Variants in PLCB1 observed in about 807,000 individuals in gnomAD.
PLCB1 encodes the protein 1-phosphatidylinositol 4,5-bisphosphate phosphodiesterase beta-1.
A neutral mutation model predicts 161.8 loss-of-function variants in PLCB1; 46 were observed. That is an observed-to-expected ratio of 0.28 (90% CI 0.22 to 0.36). PLCB1 has a LOEUF of 0.36. PLCB1 is among the 10% of genes least tolerant of loss of function. The pLI, the probability that PLCB1 is intolerant of heterozygous loss-of-function variation, is 1.00. For missense variants in PLCB1, 1,016 were observed against 1,472.5 expected (o/e 0.69, Z 5.07); for synonymous variants, 517 against 503.7 (o/e 1.03, Z -0.35).
At chr20:8,399,925 T>G (rs1978474878) in intron 3 of PLCB1, among the ~76,000 whole-genome samples, 1 of 152,222 alleles carries the variant, frequency 6.6e-6, no homozygotes, top group African/African-American at 2.4e-5. Flanking sequence ...ATAAGTTGTT[T>G]GTTCTATAAT....
chr20:8,395,837 T>C (rs1357747798), intron 3 of PLCB1, among the ~76,000 whole-genome samples: 1 of 152,042 alleles, frequency 6.6e-6, no homozygotes, highest in Non-Finnish European at 1.5e-5. Flanking sequence ...AAACAAATTG[T>C]TATTCTAGAC....
chr20:8,579,221 A>G (rs958855349), intron 3 of PLCB1, among the ~76,000 whole-genome samples: 1 of 152,248 alleles, frequency 6.6e-6, no homozygotes. Context: ...AGAAATAAAA[A>G]GCAGTTGTGC....
In PLCB1 at chr20:8,774,602, T is replaced by C; in HGVS notation, c.2994T>C (p.Asp998=). The C allele has an allele frequency of 6.2e-7, 1 of 1,614,024 alleles. No individual in the cohort carries two copies. Among genetic ancestry groups the C allele is most frequent in the South Asian group, 1.1e-5 (1 of 91,046 alleles). ...TTGAGCAAGACCTCGCTGCTCTGGA[T>C]GCTGAAATGACCCAAAAGTTAATAG... is the stretch of plus-strand genomic sequence containing the variant. ...STIEQDLAAL[D]AEMTQKLIDL... is the part of the protein sequence containing the mutation. Residue 998 remains aspartate, a synonymous_variant, in exon 27 of 32, where the codon GAT becomes GAC. Transcript: ENST00000338037.
intron 3 of PLCB1, among the ~76,000 whole-genome samples, chr20:8,406,917 TGTG>T (rs758584870): frequency 6.6e-6 from 1 of 152,150 alleles, no homozygotes; most frequent in Non-Finnish European, 1.5e-5. Flanking sequence ...ATATTTGAGA[TGTG>T]GTGTTTCAGA....
At chr20:8,858,244 T>C (rs1987133487) in intron 31 of PLCB1, among the ~76,000 whole-genome samples, 1 of 152,208 alleles carries the variant, frequency 6.6e-6, no homozygotes, top group Admixed American at 6.5e-5. Flanking sequence ...GGCCTGCTCT[T>C]GTTACAAGCA....
At chr20:8,228,964 T>G (rs925988227) in intron 2 of PLCB1, among the ~76,000 whole-genome samples, 1 of 152,082 alleles carries the variant, frequency 6.6e-6, no homozygotes, top group Non-Finnish European at 1.5e-5. Context: ...CATCCTACAT[T>G]GCTGTCGAAC....
intron 2 of PLCB1, among the ~76,000 whole-genome samples, chr20:8,192,957 C>G (rs951816822): frequency 6.6e-6 from 1 of 151,866 alleles, no homozygotes; most frequent in Non-Finnish European, 1.5e-5. Flanking sequence ...GAGTGGATAC[C>G]TTTCAAATAT....
rs549587899 is a variant in PLCB1 at position 8,883,839 on chromosome 20, A to C, written c.*1990A>C. 6.6e-6 allele frequency: 1 copy of C among 152,578 alleles called. No homozygotes were observed. Among genetic ancestry groups the C allele is most frequent in the Non-Finnish European group, 1.5e-5 (1 of 67,990 alleles). The allele number at this position is 152,578 out of a possible 1,614,324, so 9.5% of individuals were successfully genotyped here. A position where few individuals can be genotyped will look rare whatever the true frequency, so the allele number is the denominator to read the frequency against. On this transcript the variant is annotated 3_prime_UTR_variant, in exon 32 of 32. Transcript: ENST00000338037. Reference sequence around the variant, plus strand: ...ATGAAAAAGAAATCTTTTGTAAATCATTCTACTTTTGCACTTTGAAAGAAA... The same window carrying C: ...ATGAAAAAGAAATCTTTTGTAAATCCTTCTACTTTTGCACTTTGAAAGAAA...
intron 2 of PLCB1, among the ~76,000 whole-genome samples, chr20:8,288,113 ATT>A (rs1174231370): frequency 3.3e-5 from 5 of 152,160 alleles, no homozygotes; most frequent in Non-Finnish European, 5.9e-5. Context: ...CAATCGGTAC[ATT>A]GGAAATTCTT....
chr20:8,549,409 T>A (rs1985692785), intron 3 of PLCB1, among the ~76,000 whole-genome samples: 1 of 152,132 alleles, frequency 6.6e-6, no homozygotes, highest in Non-Finnish European at 1.5e-5. Flanking sequence ...TGCTTTTGAT[T>A]ACAAAAACAA....
At chr20:8,871,256 A>G (rs1987599168) in intron 31 of PLCB1, among the ~76,000 whole-genome samples, 1 of 152,214 alleles carries the variant, frequency 6.6e-6, no homozygotes, top group African/African-American at 2.4e-5. Context: ...TATCACATCT[A>G]CATACTTACA....
At chr20:8,216,810 A>G (rs73897322) in intron 2 of PLCB1, among the ~76,000 whole-genome samples, 4 of 152,148 alleles carry the variant, frequency 2.6e-5, no homozygotes, top group Non-Finnish European at 4.4e-5. Context: ...TGCGGTGCCT[A>G]TATAGAAACT....
At chr20:8,373,002 C>A (rs1986951521) in intron 3 of PLCB1, among the ~76,000 whole-genome samples, 1 of 152,128 alleles carries the variant, frequency 6.6e-6, no homozygotes, top group South Asian at 2.1e-4. Context: ...ACACAGCTTG[C>A]TTATCAGTTA....
chr20:8,326,993 A>G (rs1340373223), intron 2 of PLCB1, among the ~76,000 whole-genome samples: 1 of 152,140 alleles, frequency 6.6e-6, no homozygotes, highest in Admixed American at 6.6e-5. Context: ...TCAAGCAATT[A>G]TCCCACCTCA....
intron 14 of PLCB1, among the ~76,000 whole-genome samples, chr20:8,721,682 T>C (rs979234338): frequency 8.5e-5 from 13 of 152,226 alleles, no homozygotes; most frequent in Non-Finnish European, 1.6e-4. Flanking sequence ...TTCTACGATA[T>C]GCACTTCGTT....
At chr20:8,482,302 C>T (rs570290254) in intron 3 of PLCB1, among the ~76,000 whole-genome samples, 5 of 152,022 alleles carry the variant, frequency 3.3e-5, no homozygotes, top group East Asian at 1.9e-4. Flanking sequence ...CGGGGTTTCA[C>T]CACGTTGGGC....
At chr20:8,293,511 A>G (rs1033489852) in intron 2 of PLCB1, among the ~76,000 whole-genome samples, 1 of 152,162 alleles carries the variant, frequency 6.6e-6, no homozygotes, top group Non-Finnish European at 1.5e-5. Flanking sequence ...GACATTCTTG[A>G]AGTGTGTTTT....
chr20:8,557,026 A>AG (rs1305396198), intron 3 of PLCB1, among the ~76,000 whole-genome samples: 1 of 149,980 alleles, frequency 6.7e-6, no homozygotes. Context: ...TAAATAAAAA[A>AG]AATAATAAAA....
intron 1 of PLCB1, among the ~76,000 whole-genome samples, chr20:8,135,999 G>A (rs1407167116): frequency 6.6e-6 from 1 of 152,170 alleles, no homozygotes; most frequent in East Asian, 1.9e-4. Flanking sequence ...GAGAGAAAGA[G>A]CAAGGACTGT....
Sources: gnomAD v4.1 joint callset for allele counts (sites outside exome capture counted in the v4.1 genomes callset) on GRCh38, gnomAD v4.1.1 for gene constraint, MANE v1.5 for transcripts, NCBI Gene and HGNC (gene_info 2026-07-23, HGNC 2026-07-21) for gene names.